PLXNB3: variants seen among roughly 807,000 people sequenced by gnomAD.
PLXNB3 encodes the protein plexin-B3.
In PLXNB3, 80 loss-of-function variants were observed where a neutral mutation model predicts 125.7. The observed-to-expected ratio is 0.64, with a 90% CI of 0.53 to 0.77. The LOEUF is 0.77. Ranked by LOEUF, PLXNB3 falls within the 30% of genes least tolerant of loss-of-function variation. PLXNB3 has a pLI of 0.00. For missense variants in PLXNB3, 1,836 were observed against 1,729.3 expected (o/e 1.06, Z -1.09); for synonymous variants, 954 against 783.3 (o/e 1.22, Z -3.64).
chrX:153,768,505 C>T, intron 4 of PLXNB3, 77 bp downstream of exon 4: 1 of 937,988 alleles, frequency 1.1e-6, no homozygotes. Flanking sequence ...GCAACTTCCA[C>T]CTCTTAGCCC....
Position 153,769,939 on chromosome X carries a change from G to A in PLXNB3, c.1629G>A (p.Gln543=), listed in dbSNP as rs781838386. 1.6e-5 allele frequency: 19 copies of A among 1,204,090 alleles called. No homozygotes were observed. Among genetic ancestry groups the A allele is most frequent in the Non-Finnish European group, 2.1e-5 (19 of 892,441 alleles). ...PGHHPRQEQG[Q]VTLSVPRLPI... ...ACCACCCCCGCCAGGAGCAGGGCCA[G>A]GTAAGCCGCCCACCACCACTGGGCC... The change falls in exon 7 of 36, where the codon CAG becomes CAA. Residue 543 remains glutamine, a splice_region_variant and synonymous_variant. Transcript: ENST00000361971.
At position 153,774,723 on chromosome X, in the gene PLXNB3, C is replaced by T. The variant is rs1557063389; in HGVS notation, c.3848C>T (p.Ala1283Val). The change falls in exon 23 of 36, where the codon GCC becomes GTC. Residue 1283 changes from alanine (A) to valine (V), a missense_variant. By Grantham distance (64) the Ala-to-Val change is moderately conservative. Coordinates refer to ENST00000361971, the MANE Select transcript of PLXNB3 (RefSeq NM_005393.3). ...TLMYRHKSKQ[A>V]LRDYQKVLVQ... Reference sequence around the variant, plus strand: ...GGCTGCAGGCACAAGAGCAAGCAGGCCCTGCGGGACTACCAGAAGGTGCTA... The same window carrying T: ...GGCTGCAGGCACAAGAGCAAGCAGGTCCTGCGGGACTACCAGAAGGTGCTA... 1 of 1,174,604 alleles carries T rather than the reference C, an allele frequency of 8.5e-7. No homozygotes were observed. Among genetic ancestry groups the T allele is most frequent in the Non-Finnish European group, 1.1e-6 (1 of 875,924 alleles).
chrX:153,775,589 C>G lies in PLXNB3; in HGVS notation c.4335-5C>G. The G allele has an allele frequency of 8.3e-7, 1 of 1,209,801 alleles. No homozygotes were observed. The highest frequency in any genetic ancestry group is 1.8e-5 in the South Asian group (1 of 56,992). ...AGGCCTGACCCTGTGGCCGGCTCCC[C>G]GCAGGACAGAGACCATGGTGGAGAA... On this transcript the variant is annotated splice_polypyrimidine_tract_variant and splice_region_variant and intron_variant, in intron 25 of 35. Transcript: ENST00000361971.
In PLXNB3 at chrX:153,769,019, C is replaced by T. The variant is rs1320696721; in HGVS notation, c.1338C>T (p.Ser446=). The stretch of plus-strand genomic sequence containing the variant: ...TGGGGCCTCCAGGCTCAGCCATCAG[C>T]CCAGACCTGCTGCTGGACAGCAGTG... ...QQVGPPGSAI[S]PDLLLDSSGS... Residue 446 remains serine (S), a synonymous_variant, in exon 5 of 36, where the codon AGC becomes AGT. Coordinates refer to ENST00000361971, the MANE Select transcript of PLXNB3 (RefSeq NM_005393.3). 5.0e-6 allele frequency: 6 copies of T among 1,209,829 alleles called. No individual in the cohort carries two copies. The highest frequency in any genetic ancestry group is 6.7e-6 in the Non-Finnish European group (6 of 894,438).
At chrX:153,777,125 C>T in intron 29 of PLXNB3, 83 bp from the exon 30 acceptor site, 3 of 1,061,512 alleles carry the variant, frequency 2.8e-6, no homozygotes, top group Non-Finnish European at 3.8e-6. Context: ...CCCACACTGC[C>T]CCACCTTGTC....
chrX:153,773,461 G>A, intron 18 of PLXNB3, 55 bp downstream of exon 18: 3 of 1,182,954 alleles, frequency 2.5e-6, no homozygotes, highest in Non-Finnish European at 3.4e-6. Flanking sequence ...AAGGTGGGAT[G>A]CGGGCTGGGC....
Position 153,773,985 on chromosome X carries a change from G to A in PLXNB3, c.3406G>A (p.Ala1136Thr). ...CAACGTGCAAGTGGACTTCGCCAGTGCCAGTGGGGGCCAGGGCTTCCTGTA... is the reference window on the plus strand; with the variant it reads ...CAACGTGCAAGTGGACTTCGCCAGTACCAGTGGGGGCCAGGGCTTCCTGTA... ...LDNVQVDFAS[A>T]SGGQGFLYQP... Residue 1136 changes from alanine (A) to threonine (T), a missense_variant, in exon 20 of 36, where the codon GCC becomes ACC. By Grantham distance (58) the Ala-to-Thr change is moderately conservative. Coordinates refer to ENST00000361971, the MANE Select transcript of PLXNB3 (RefSeq NM_005393.3). 3 of 1,209,269 alleles carry A rather than the reference G, an allele frequency of 2.5e-6. No homozygotes were observed. The highest frequency in any genetic ancestry group is 3.5e-5 in the South Asian group (2 of 56,759).
In PLXNB3 at chrX:153,771,860, G is replaced by A; in HGVS notation, c.2518-4G>A. The A allele has an allele frequency of 8.3e-7, 1 of 1,206,004 alleles. No homozygotes were observed. The highest frequency in any genetic ancestry group is 1.1e-6 in the Non-Finnish European group (1 of 893,811). The stretch of plus-strand genomic sequence containing the variant: ...CCCCATCTGCCATCATTTGCCTGCT[G>A]CAGGTCGAGCCCCTGACCGGTCCCC... On this transcript the variant is annotated splice_region_variant and splice_polypyrimidine_tract_variant and intron_variant, in intron 14 of 35. Transcript: ENST00000361971.
chrX:153,776,332 A>C (rs1452564096), intron 27 of PLXNB3, 24 bp from the exon 28 acceptor site: 6 of 1,129,994 alleles, frequency 5.3e-6, no homozygotes, highest in Non-Finnish European at 7.3e-6. Flanking sequence ...GCTGTAGACT[A>C]TCTGCTTCCC....
intron 28 of PLXNB3, 58 bp downstream of exon 28, chrX:153,776,517 G>A: frequency 1.3e-5 from 2 of 149,742 alleles, no homozygotes; most frequent in Admixed American, 1.3e-4. Flanking sequence ...GGCGAGGCAG[G>A]GCAGGGCGGG....
intron 7 of PLXNB3, 61 bp from the exon 8 acceptor site, chrX:153,770,031 A>G (rs910291584): frequency 7.4e-5 from 88 of 1,190,763 alleles, no homozygotes; most frequent in Middle Eastern, 2.3e-4. Flanking sequence ...TTCCTCTCCC[A>G]TGGCCTCTGC....
At chrX:153,769,134 T>C (rs2091894096) in intron 5 of PLXNB3, 28 bp from the exon 6 acceptor site, 1 of 1,198,359 alleles carries the variant, frequency 8.3e-7, no homozygotes, top group Admixed American at 2.2e-5. Flanking sequence ...CTCGTGCCCA[T>C]TGCCTCTCTG....
At position 153,777,684 on chromosome X, in the gene PLXNB3, A is replaced by C; in HGVS notation, c.5257A>C (p.Asn1753His). Residue 1753 changes from asparagine (N) to histidine (H), a missense_variant, in exon 31 of 36, where the codon AAC becomes CAC. Coordinates refer to ENST00000361971, the MANE Select transcript of PLXNB3 (RefSeq NM_005393.3). The stretch of plus-strand genomic sequence containing the variant: ...AGGGACCCTGCACATCTGGAAGACC[A>C]ACAGGTGCCTTTCCTGCTGCCCCAC... ...DPGTLHIWKT[N>H]SLLLRFWVNA... 3 of 1,210,141 alleles carry C rather than the reference A, an allele frequency of 2.5e-6. No homozygotes were observed. Among genetic ancestry groups the C allele is most frequent in the Non-Finnish European group, 3.4e-6 (3 of 894,162 alleles).
At chrX:153,770,494 G>T in intron 9 of PLXNB3, 34 bp from the exon 10 acceptor site, 1 of 1,202,854 alleles carries the variant, frequency 8.3e-7, no homozygotes, top group Non-Finnish European at 1.1e-6. Flanking sequence ...GACCCCAGAG[G>T]GCACTCAGTT....
intron 12 of PLXNB3, 114 bp downstream of exon 12, chrX:153,771,195 G>A (rs1329618518): frequency 9.8e-6 from 9 of 918,755 alleles, no homozygotes; most frequent in Non-Finnish European, 1.4e-5. Context: ...GTGGGCCCCA[G>A]TCTTGGGGGA....
At chrX:153,772,328 G>A (rs782690922) in intron 16 of PLXNB3, 41 bp downstream of exon 16, 2 of 1,004,472 alleles carry the variant, frequency 2.0e-6, no homozygotes, top group Non-Finnish European at 2.8e-6. Flanking sequence ...GGGGAGGGTA[G>A]GAGGGAGGGC....
intron 17 of PLXNB3, 78 bp from the exon 18 acceptor site, chrX:153,773,152 C>T: frequency 2.7e-6 from 3 of 1,099,574 alleles, no homozygotes; most frequent in South Asian, 4.4e-5. Context: ...AGCAGGGCTT[C>T]TCCTACGGGG....
chrX:153,777,851 C>G, intron 31 of PLXNB3, 97 bp from the exon 32 acceptor site: 1 of 1,110,514 alleles, frequency 9.0e-7, no homozygotes. Context: ...CCAGCGGCCC[C>G]TGGCTCCGAG....
chrX:153,769,726 C>T (rs2091903945), intron 6 of PLXNB3, 81 bp from the exon 7 acceptor site: 1 of 1,036,031 alleles, frequency 9.7e-7, no homozygotes, highest in African/African-American at 1.9e-5. Context: ...TCCAGCTGGG[C>T]CGGCCTCCCC....
Sources: gnomAD v4.1 joint callset for allele counts on GRCh38, gnomAD v4.1.1 for gene constraint, MANE v1.5 for transcripts, NCBI Gene and HGNC (gene_info 2026-07-23, HGNC 2026-07-21) for gene names.